CCSER1: variants seen among roughly 807,000 people sequenced by gnomAD.
CCSER1 encodes the protein serine-rich coiled-coil domain-containing protein 1.
A neutral mutation model predicts 82.0 loss-of-function variants in CCSER1; 41 were observed. That is an observed-to-expected ratio of 0.50 (90% CI 0.39 to 0.65). The LOEUF is 0.65. Among genes scored for constraint, CCSER1 ranks in the 30% least tolerant of loss-of-function variants. The probability of loss-of-function intolerance (pLI) is 0.00; values close to 1 mark genes in which losing one functional copy is unlikely to be tolerated. For synonymous variants in CCSER1, 414 were observed against 383.9 expected (o/e 1.08, Z -0.92); for missense variants, 1,119 against 1,064.2 (o/e 1.05, Z -0.72).
At chr4:91,059,388 TGTTG>T (rs1299182294) in intron 9 of CCSER1, among the ~76,000 whole-genome samples, 2 of 108,464 alleles carry the variant, frequency 1.8e-5, no homozygotes, top group Admixed American at 8.7e-5. Flanking sequence ...TGCACACCTG[TGTTG>T]GTTATTTTGT....
chr4:90,636,271 C>T (rs1394587877), intron 6 of CCSER1, among the ~76,000 whole-genome samples: 2 of 151,730 alleles, frequency 1.3e-5, no homozygotes, highest in Non-Finnish European at 2.9e-5. Context: ...AATAGCCTAA[C>T]TTGTACTAAA....
intron 9 of CCSER1, among the ~76,000 whole-genome samples, chr4:90,963,273 G>C (rs1734219582): frequency 6.6e-6 from 1 of 152,088 alleles, no homozygotes; most frequent in Non-Finnish European, 1.5e-5. Flanking sequence ...CCGAGGATGT[G>C]ATCTAACAGA....
At chr4:90,276,192 T>G (rs1433280282) in intron 1 of CCSER1, among the ~76,000 whole-genome samples, 1 of 34,590 alleles carries the variant, frequency 2.9e-5, no homozygotes, top group Non-Finnish European at 6.0e-5. Flanking sequence ...ACTGTTTTCT[T>G]TCTTTCTTTC....
At position 91,463,534 on chromosome 4, in the gene CCSER1, C is replaced by T. The variant is rs888513395; in HGVS notation, c.2218-135038C>T. ...ATGACTTTGACGAGTTGAGAGAAGG[C>T]GTCAGACGATCAAACTTCTCTGAGC... On this transcript the variant is annotated intron_variant, in intron 10 of 10. Transcript: ENST00000509176. Among the ~76,000 whole-genome samples the T allele has an allele frequency of 4.6e-5, 7 of 151,804 alleles. No homozygotes were observed. In the South Asian group the frequency reaches 6.2e-4, roughly 14 times the overall value.
intron 10 of CCSER1, among the ~76,000 whole-genome samples, chr4:91,165,765 T>C (rs1188322246): frequency 6.6e-6 from 1 of 152,256 alleles, no homozygotes; most frequent in African/African-American, 2.4e-5. Context: ...TCCTGGTATG[T>C]CATTTGCTAA....
At chr4:91,194,789 A>G (rs1342399582) in intron 10 of CCSER1, among the ~76,000 whole-genome samples, 3 of 152,200 alleles carry the variant, frequency 2.0e-5, no homozygotes, top group African/African-American at 7.2e-5. Flanking sequence ...GTTTCATGAT[A>G]TTTGTCAGGA....
chr4:90,522,460 C>G (rs1773251888), intron 5 of CCSER1, among the ~76,000 whole-genome samples: 1 of 152,136 alleles, frequency 6.6e-6, no homozygotes, highest in Non-Finnish European at 1.5e-5. Context: ...ATGATCTATA[C>G]TGGTATCAGT....
chr4:90,880,571 C>T (rs1721151629), intron 8 of CCSER1, among the ~76,000 whole-genome samples: 1 of 152,170 alleles, frequency 6.6e-6, no homozygotes, highest in South Asian at 2.1e-4. Flanking sequence ...GAGGCAGTGG[C>T]AGAGAGGCTT....
chr4:90,297,493 C>T (rs1244519215), intron 1 of CCSER1, among the ~76,000 whole-genome samples: 1 of 151,366 alleles, frequency 6.6e-6, no homozygotes, highest in Non-Finnish European at 1.5e-5. Flanking sequence ...ATTTCCTTCT[C>T]CTGCCTGATT....
chr4:91,071,627 C>A (rs1197810126), intron 9 of CCSER1, among the ~76,000 whole-genome samples: 1 of 152,104 alleles, frequency 6.6e-6, no homozygotes, highest in Non-Finnish European at 1.5e-5. Flanking sequence ...TATTAATACT[C>A]TCTTTTTACC....
chr4:91,490,332 A>G (rs569160194), intron 10 of CCSER1, among the ~76,000 whole-genome samples: 2 of 152,302 alleles, frequency 1.3e-5, no homozygotes, highest in South Asian at 4.1e-4. Context: ...CAAGATTTGG[A>G]AGCAGCTGAA....
At chr4:91,175,986 G>T (rs537473363) in intron 10 of CCSER1, among the ~76,000 whole-genome samples, 1 of 152,130 alleles carries the variant, frequency 6.6e-6, no homozygotes, top group African/African-American at 2.4e-5. Context: ...AATCCATCTT[G>T]AATTAATTTT....
intron 4 of CCSER1, among the ~76,000 whole-genome samples, chr4:90,428,814 G>C (rs1757877510): frequency 6.6e-6 from 1 of 151,778 alleles, no homozygotes; most frequent in Admixed American, 6.6e-5. Flanking sequence ...ACATCAGAAT[G>C]TCTAAATTGG....
intron 1 of CCSER1, among the ~76,000 whole-genome samples, chr4:90,208,068 A>T (rs1272051089): frequency 6.6e-6 from 1 of 152,150 alleles, no homozygotes; most frequent in Non-Finnish European, 1.5e-5. Flanking sequence ...TGCAGGCAGG[A>T]ACGTTTAAGT....
chr4:90,333,896 G>A (rs190100763), intron 3 of CCSER1, among the ~76,000 whole-genome samples: 1 of 152,258 alleles, frequency 6.6e-6, no homozygotes, highest in Admixed American at 6.5e-5. Flanking sequence ...AAAAACATTT[G>A]TATCATCATT....
chr4:91,408,505 T>C (rs868281854), intron 10 of CCSER1, among the ~76,000 whole-genome samples: 2 of 152,238 alleles, frequency 1.3e-5, no homozygotes, highest in Non-Finnish European at 2.9e-5. Flanking sequence ...TTTTATCATT[T>C]CCTATTTTTA....
At chr4:91,527,656 C>T (rs537433371) in intron 10 of CCSER1, among the ~76,000 whole-genome samples, 6 of 152,052 alleles carry the variant, frequency 3.9e-5, no homozygotes, top group South Asian at 2.1e-4. Context: ...TGGTTCATAC[C>T]GTCTACTGTG....
At position 91,467,945 on chromosome 4, in the gene CCSER1, G is replaced by A. The variant is rs181456891; in HGVS notation, c.2218-130627G>A. Among the ~76,000 whole-genome samples, 1,484 of 152,254 alleles carry A rather than the reference G, an allele frequency of 9.7e-3. 9 individuals are homozygous for A. The highest frequency in any genetic ancestry group is 0.02 in the Middle Eastern group (6 of 294). On this transcript the variant is annotated intron_variant, in intron 10 of 10. Transcript: ENST00000509176. ...CAACCATTGTGGAAGACAGTGTGGCGATTCCTCAGGGATCTAGAACTAGAA... is the reference window on the plus strand; with the variant it reads ...CAACCATTGTGGAAGACAGTGTGGCAATTCCTCAGGGATCTAGAACTAGAA...
At chr4:90,712,898 C>T (rs1031047267) in intron 6 of CCSER1, among the ~76,000 whole-genome samples, 31 of 137,088 alleles carry the variant, frequency 2.3e-4, no homozygotes, top group Middle Eastern at 3.9e-3. Flanking sequence ...TAATGTCCTT[C>T]GTCTCTTTTT....
Sources: allele counts gnomAD v4.1 joint callset (sites outside exome capture counted in the v4.1 genomes callset), GRCh38; gene constraint gnomAD v4.1.1; transcripts MANE v1.5; gene names NCBI Gene and HGNC (gene_info 2026-07-23, HGNC 2026-07-21).